The following MID1 variants were observed in gnomAD, a reference collection of about 807,000 sequenced individuals.
The protein encoded by MID1 is midline 1.
In MID1, 7 loss-of-function variants were observed where a neutral mutation model predicts 40.4. The ratio of observed to expected loss-of-function variants is 0.17; its 90% CI spans 0.10 to 0.33. The LOEUF is 0.33. MID1 is among the 10% of genes least tolerant of loss of function. The probability of loss-of-function intolerance (pLI) is 1.00; values close to 1 mark genes in which losing one functional copy is unlikely to be tolerated. For synonymous variants in MID1, 229 were observed against 221.2 expected, an observed-to-expected ratio of 1.04 and a Z score of -0.31; for missense variants, 367 against 558.5, an observed-to-expected ratio of 0.66 and a Z score of 3.46.
chrX:10,569,263 G>C (rs1934657854), intron 1 of MID1, among the ~76,000 whole-genome samples: 1 of 111,738 alleles, frequency 8.9e-6, no homozygotes, highest in Admixed American at 9.5e-5. Flanking sequence ...AACAGCTACT[G>C]GCTTCATAAA....
At chrX:10,778,456 T>C (rs1432684998) in intron 1 of MID1, among the ~76,000 whole-genome samples, 4 of 111,902 alleles carry the variant, frequency 3.6e-5, no homozygotes, top group African/African-American at 1.3e-4. Context: ...CAGCCTGGAA[T>C]TGAAAAGAGT....
chrX:10,829,297 T>C (rs1392517485), intron 1 of MID1, among the ~76,000 whole-genome samples: 1 of 112,005 alleles, frequency 8.9e-6, no homozygotes, highest in East Asian at 2.8e-4. Context: ...ATTCCAATTC[T>C]GTCACGTGTT....
intron 9 of MID1, among the ~76,000 whole-genome samples, chrX:10,450,929 C>T (rs1388933962): frequency 8.9e-6 from 1 of 111,750 alleles, no homozygotes; most frequent in African/African-American, 3.3e-5. Flanking sequence ...AGAAACCAGT[C>T]TAATTGGATA....
rs143531058 is a variant in MID1, at chrX:10,711,788, C to G, written c.-186-91369G>C. On this transcript the variant is annotated intron_variant, in intron 1 of 10. Coordinates refer to the MID1 transcript ENST00000380785. ...TACGAATGTATCTTCTAATGCTTTT[C>G]TATATTTTAGTGACCTGTGAATGAT... is the stretch of plus-strand genomic sequence containing the variant. Among the ~76,000 whole-genome samples the G allele has an allele frequency of 6.9e-4, 77 of 112,295 alleles. 1 individual carries two copies. Among genetic ancestry groups the G allele is most frequent in the African/African-American group, 2.4e-3 (73 of 30,985 alleles).
chrX:10,692,561 G>C (rs1401105023), intron 1 of MID1, among the ~76,000 whole-genome samples: 2 of 110,122 alleles, frequency 1.8e-5, no homozygotes, highest in African/African-American at 6.6e-5. Context: ...AGGCTGCAGA[G>C]AGCTGAGACC....
chrX:10,460,603 C>T (rs1312656411), intron 7 of MID1, among the ~76,000 whole-genome samples: 3 of 111,052 alleles, frequency 2.7e-5, no homozygotes, highest in Admixed American at 1.9e-4. Context: ...TTTTTCCAAA[C>T]CCTTGGTGAC....
At chrX:10,598,409 C>A (rs1935453350) in intron 1 of MID1, among the ~76,000 whole-genome samples, 1 of 111,925 alleles carries the variant, frequency 8.9e-6, no homozygotes, top group Non-Finnish European at 1.9e-5. Flanking sequence ...AAAATGGCAG[C>A]CCAAAGATGT....
chrX:10,611,308 A>G (rs1316762063), intron 1 of MID1, among the ~76,000 whole-genome samples: 3 of 112,529 alleles, frequency 2.7e-5, no homozygotes, highest in East Asian at 5.5e-4. Flanking sequence ...CTCTAGTGAT[A>G]TAAAGTATTA....
chrX:10,653,951 TAACTA>T (rs2147576991), intron 1 of MID1, among the ~76,000 whole-genome samples: 1 of 112,759 alleles, frequency 8.9e-6, no homozygotes, highest in African/African-American at 3.2e-5. Context: ...TAGCTTCAGT[TAACTA>T]AACCCCTCTG....
At chrX:10,580,197 C>G (rs935447520) in intron 1 of MID1, among the ~76,000 whole-genome samples, 4 of 99,893 alleles carry the variant, frequency 4.0e-5, no homozygotes, top group Non-Finnish European at 8.0e-5. Context: ...TGCCCCCCCC[C>G]GCCCCGCCCT....
intron 1 of MID1, among the ~76,000 whole-genome samples, chrX:10,739,968 CGTAG>C (rs2043512384): frequency 1.8e-5 from 2 of 111,856 alleles, no homozygotes; most frequent in Admixed American, 1.9e-4. Context: ...ATGCCCCAAG[CGTAG>C]GCATTGACCT....
chrX:10,660,085 C>T (rs972799338), intron 1 of MID1, among the ~76,000 whole-genome samples: 1 of 112,005 alleles, frequency 8.9e-6, no homozygotes, highest in Non-Finnish European at 1.9e-5. Context: ...ACCCCACAGT[C>T]GTGTCTCTCC....
At position 10,803,892 on chromosome X, in the gene MID1, T is replaced by C. The variant is rs2044026402; in HGVS notation, c.-187+29662A>G. 3.6e-5 allele frequency among the ~76,000 whole-genome samples: 4 copies of C among 112,138 alleles called. No homozygotes were observed. The South Asian group carries it at 1.5e-3, about 42-fold the overall frequency. On this transcript the variant is annotated intron_variant, in intron 1 of 10. Coordinates refer to the MID1 transcript ENST00000380785. ...TATTCTTCTTCTAGTATTCCCATTA[T>C]GTGTATGTTATACCTTTTGTGTTTG...
At chrX:10,484,249 C>T (rs1047332349) in intron 4 of MID1, among the ~76,000 whole-genome samples, 23 of 112,296 alleles carry the variant, frequency 2.0e-4, no homozygotes, top group Non-Finnish European at 4.1e-4. Flanking sequence ...TATTTAATCA[C>T]ACAGCATAAA....
At position 10,459,815 on chromosome X, in the gene MID1, G is replaced by A. The variant is rs745470675; in HGVS notation, c.1286-8C>T. On this transcript the variant is annotated splice_region_variant and splice_polypyrimidine_tract_variant and intron_variant, in intron 7 of 9. Transcript: ENST00000317552. ...CAGCCGAATTACACAGACCTGCAAA[G>A]CCAATCAGACATGGTGCAGTTCTTT... 1 of 1,204,303 alleles carries A rather than the reference G, an allele frequency of 8.3e-7. No individual in the cohort carries two copies. Among genetic ancestry groups the A allele is most frequent in the African/African-American group, 1.7e-5 (1 of 57,275 alleles).
At chrX:10,464,447 G>T (rs373652635) in intron 7 of MID1, among the ~76,000 whole-genome samples, 26 of 111,949 alleles carry the variant, frequency 2.3e-4, no homozygotes, top group African/African-American at 7.5e-4. Flanking sequence ...AGGGCCTTTT[G>T]GCCCCAATTC....
intron 1 of MID1, among the ~76,000 whole-genome samples, chrX:10,751,312 G>C (rs994172975): frequency 1.8e-5 from 2 of 109,541 alleles, no homozygotes; most frequent in African/African-American, 6.7e-5. Flanking sequence ...AAATATCAAT[G>C]TAGTGTACAC....
At chrX:10,805,088 A>G (rs1032652543) in intron 1 of MID1, among the ~76,000 whole-genome samples, 11 of 109,711 alleles carry the variant, frequency 1.0e-4, no homozygotes, top group Admixed American at 6.8e-4. Context: ...TTATTATTAT[A>G]CTTTAAGTTT....
At chrX:10,565,802 GA>G (rs1236317393) in intron 2 of MID1, among the ~76,000 whole-genome samples, 2 of 103,795 alleles carry the variant, frequency 1.9e-5, no homozygotes, top group Admixed American at 1.0e-4. Flanking sequence ...CATACTTAGA[GA>G]GTGATTTTTT....
Sources: allele counts gnomAD v4.1 joint callset (sites outside exome capture counted in the v4.1 genomes callset), GRCh38; gene constraint gnomAD v4.1.1; transcripts MANE v1.5; gene names NCBI Gene and HGNC (gene_info 2026-07-23, HGNC 2026-07-21).